NRG1: variants seen among roughly 807,000 people sequenced by gnomAD.
The protein encoded by NRG1 is neuregulin 1.
In NRG1, 18 loss-of-function variants were observed where a neutral mutation model predicts 63.8. The ratio of observed to expected loss-of-function variants is 0.28; its 90% CI spans 0.19 to 0.42. NRG1 has a LOEUF of 0.42. Among genes scored for constraint, NRG1 ranks in the 10% least tolerant of loss-of-function variants. NRG1 has a pLI of 1.00. For missense variants in NRG1, 762 were observed against 814.7 expected (o/e 0.94, Z 0.79); for synonymous variants, 302 against 301.3 (o/e 1.00, Z -0.02).
chr8:31,813,053 C>T (rs990261329), intron 1 of NRG1, among the ~76,000 whole-genome samples: 17 of 152,150 alleles, frequency 1.1e-4, no homozygotes, highest in Admixed American at 1.0e-3. Flanking sequence ...TCACTCTCTG[C>T]TACCCACAGC....
intron 5 of NRG1, among the ~76,000 whole-genome samples, chr8:32,703,452 T>C (rs1382669578): frequency 6.7e-6 from 1 of 150,036 alleles, no homozygotes; most frequent in African/African-American, 2.5e-5. Context: ...GGAGTCTCGC[T>C]GTGTCGCTCA....
At chr8:31,865,442 T>C (rs1235442354) in intron 1 of NRG1, among the ~76,000 whole-genome samples, 6 of 152,124 alleles carry the variant, frequency 3.9e-5, no homozygotes, top group Admixed American at 6.6e-5. Context: ...CCATATGATA[T>C]GGTTTTGCTG....
intron 7 of NRG1, among the ~76,000 whole-genome samples, chr8:32,745,464 A>G (rs753354977): frequency 4.6e-5 from 7 of 152,194 alleles, no homozygotes; most frequent in Non-Finnish European, 8.8e-5. Context: ...CCAATGAGCC[A>G]TTTACTGATT....
intron 5 of NRG1, among the ~76,000 whole-genome samples, chr8:32,657,917 A>G (rs921597991): frequency 2.0e-5 from 3 of 152,224 alleles, no homozygotes; most frequent in African/African-American, 4.8e-5. Context: ...AACTCCTATG[A>G]TTCTTCAAAA....
At chr8:31,886,226 G>A (rs1382086199) in intron 1 of NRG1, among the ~76,000 whole-genome samples, 1 of 152,002 alleles carries the variant, frequency 6.6e-6, no homozygotes, top group Non-Finnish European at 1.5e-5. Flanking sequence ...AATGTTTTAA[G>A]GTATGTCTTC....
intron 1 of NRG1, among the ~76,000 whole-genome samples, chr8:32,391,121 C>T (rs1433415211): frequency 6.6e-6 from 1 of 151,478 alleles, no homozygotes; most frequent in Non-Finnish European, 1.5e-5. Flanking sequence ...TGTGTGTGTC[C>T]TTTTTTGGGG....
chr8:31,955,216 A>G (rs1212578944), intron 1 of NRG1, among the ~76,000 whole-genome samples: 1 of 152,208 alleles, frequency 6.6e-6, no homozygotes, highest in Non-Finnish European at 1.5e-5. Flanking sequence ...AATTTTTAAA[A>G]AATAAAAGTC....
At chr8:32,523,446 T>G (rs114158204) in intron 1 of NRG1, among the ~76,000 whole-genome samples, 239 of 152,364 alleles carry the variant, frequency 1.6e-3, no homozygotes, top group African/African-American at 5.6e-3. Flanking sequence ...TTAGCGTTGC[T>G]ATTTTTAAAA....
rs148425290 is a variant in NRG1, at chr8:32,443,247, G to A, written c.38-152581G>A. ...ATGAGCCACCACACCCAGCCTGGGTGTCTGTCTTTATGCTAAATGTCCGAG... is the reference window on the plus strand; with the variant it reads ...ATGAGCCACCACACCCAGCCTGGGTATCTGTCTTTATGCTAAATGTCCGAG... On this transcript the variant is annotated intron_variant, in intron 1 of 10. Transcript: ENST00000519301. 9.3e-3 allele frequency among the ~76,000 whole-genome samples: 1,412 copies of A among 152,194 alleles called. 21 individuals are homozygous for A. The highest frequency in any genetic ancestry group is 0.033 in the African/African-American group (1,373 of 41,526).
chr8:31,893,048 A>T (rs929295774), intron 1 of NRG1, among the ~76,000 whole-genome samples: 26 of 151,502 alleles, frequency 1.7e-4, no homozygotes, highest in Non-Finnish European at 3.0e-5. Context: ...GGGGGAAAAA[A>T]CCCTAAGAGT....
intron 1 of NRG1, among the ~76,000 whole-genome samples, chr8:32,199,032 G>GTCTACT (rs1843237119): frequency 1.3e-5 from 2 of 152,160 alleles, no homozygotes; most frequent in East Asian, 3.9e-4. Flanking sequence ...CCAAGTAGTA[G>GTCTACT]ACTATGACCG....
At chr8:32,716,094 T>C (rs1819151294) in intron 5 of NRG1, among the ~76,000 whole-genome samples, 1 of 152,218 alleles carries the variant, frequency 6.6e-6, no homozygotes, top group Admixed American at 6.5e-5. Context: ...GATTCAGAAG[T>C]GTAGCTCCTG....
intron 1 of NRG1, among the ~76,000 whole-genome samples, chr8:32,159,468 T>G (rs4733301): frequency 1.4e-5 from 2 of 145,692 alleles, no homozygotes; most frequent in African/African-American, 5.4e-5. Context: ...CAGGAAGCGG[T>G]GCTTGCAGTG....
At chr8:32,222,062 CACAT>C (rs1286478247) in intron 1 of NRG1, among the ~76,000 whole-genome samples, 1 of 149,722 alleles carries the variant, frequency 6.7e-6, no homozygotes, top group East Asian at 2.1e-4. Context: ...CACACACACA[CACAT>C]GCACACACAC....
chr8:31,846,027 C>T (rs1826655810), intron 1 of NRG1, among the ~76,000 whole-genome samples: 1 of 152,080 alleles, frequency 6.6e-6, no homozygotes. Context: ...GTTCCAAAGA[C>T]ATCCCCATGA....
At chr8:32,487,250 A>C (rs373445271) in intron 1 of NRG1, among the ~76,000 whole-genome samples, 1 of 152,072 alleles carries the variant, frequency 6.6e-6, no homozygotes, top group African/African-American at 2.4e-5. Context: ...GGTAAAAACG[A>C]GTTCTGACTA....
At chr8:32,665,071 C>T (rs1803796406) in intron 5 of NRG1, among the ~76,000 whole-genome samples, 1 of 152,080 alleles carries the variant, frequency 6.6e-6, no homozygotes, top group African/African-American at 2.4e-5. Context: ...TTTTACTTTA[C>T]TTTTTGACAT....
chr8:32,483,649 A>G (rs1825563963), intron 1 of NRG1, among the ~76,000 whole-genome samples: 1 of 152,184 alleles, frequency 6.6e-6, no homozygotes. Flanking sequence ...GAGGCTAGGT[A>G]AGTCTTCTTT....
intron 1 of NRG1, among the ~76,000 whole-genome samples, chr8:31,760,547 A>G (rs1242823925): frequency 6.6e-6 from 1 of 152,108 alleles, no homozygotes; most frequent in African/African-American, 2.4e-5. Flanking sequence ...TTCGCAACCT[A>G]CTCATCTGAC....
Sources: allele counts gnomAD v4.1 joint callset (sites outside exome capture counted in the v4.1 genomes callset), GRCh38; gene constraint gnomAD v4.1.1; transcripts MANE v1.5; gene names NCBI Gene and HGNC (gene_info 2026-07-23, HGNC 2026-07-21).